The following PNPLA5 variants were observed in gnomAD, a reference collection of about 807,000 sequenced individuals.
PNPLA5 encodes patatin like domain 5, triacylglycerol lipase, also known as patatin-like phospholipase domain-containing protein 5.
PNPLA5 carries 44 observed loss-of-function variants against 49.1 expected under a neutral mutation model. The ratio of observed to expected loss-of-function variants is 0.90; its 90% CI spans 0.70 to 1.15. The LOEUF (loss-of-function observed/expected upper bound fraction) is 1.15. Among genes scored for constraint, PNPLA5 ranks in the 50% most tolerant of loss-of-function variants. The probability of loss-of-function intolerance (pLI) is 0.00; values close to 1 mark genes in which losing one functional copy is unlikely to be tolerated. For synonymous variants in PNPLA5, 243 were observed against 244.4 expected, an observed-to-expected ratio of 0.99 and a Z score of 0.06; for missense variants, 603 against 564.0, an observed-to-expected ratio of 1.07 and a Z score of -0.70.
rs139735555 is a variant in PNPLA5 at position 43,891,592 on chromosome 22, G to A, written c.193+96C>T. 1.1e-4 allele frequency: 151 copies of A among 1,408,200 alleles called. No individual in the cohort carries two copies. In the African/African-American group the frequency reaches 2.1e-3, roughly 20 times the overall value. 87.2% of individuals were successfully genotyped at this position (1,408,200 alleles called of 1,614,324 possible). On this transcript the variant is annotated intron_variant, in intron 1 of 8. Transcript: ENST00000216177. ...AATGAGGCTGTGCCGGGGGTAGAGG[G>A]CGCAGAGCACAGCGCCAGGCACCAG...
At chr22:43,885,002 C>G (rs62226143) in intron 6 of PNPLA5, among the ~76,000 whole-genome samples, 8 of 152,294 alleles carry the variant, frequency 5.3e-5, no homozygotes, top group African/African-American at 1.9e-4. Flanking sequence ...ATCCACCTGC[C>G]GAGTGTCCTA....
Position 43,884,198 on chromosome 22 carries a change from C to A in PNPLA5, c.1082+15G>T. 6.5e-7 allele frequency: 1 copy of A among 1,527,102 alleles called. No homozygotes were observed. The highest frequency in any genetic ancestry group is 1.3e-5 in the South Asian group (1 of 79,020). 94.6% of individuals were successfully genotyped at this position (1,527,102 alleles called of 1,614,324 possible). On this transcript the variant is annotated intron_variant, in intron 7 of 8. Coordinates refer to ENST00000216177, the MANE Select transcript of PNPLA5 (RefSeq NM_138814.4). Reference sequence around the variant, plus strand: ...ACAAGCCAGGCCCTTCCCAGGCCCCCTGGCCGAGCCTTACCTTCTGCTGCG... The same window carrying A: ...ACAAGCCAGGCCCTTCCCAGGCCCCATGGCCGAGCCTTACCTTCTGCTGCG...
chr22:43,889,713 C>A, intron 3 of PNPLA5, 86 bp downstream of exon 3: 3 of 1,529,944 alleles, frequency 2.0e-6, no homozygotes, highest in Non-Finnish European at 2.6e-6. Context: ...GCTCAAGGAG[C>A]GCTGGTTTCC....
chr22:43,884,411 C>A, intron 6 of PNPLA5, 66 bp from the exon 7 acceptor site: 2 of 1,466,406 alleles, frequency 1.4e-6, no homozygotes, highest in African/African-American at 1.4e-5. Context: ...CTGAGCCCCC[C>A]CATTTCACAC....
At chr22:43,886,154 C>T (rs906701750) in intron 6 of PNPLA5, 149 bp downstream of exon 6, 1 of 827,764 alleles carries the variant, frequency 1.2e-6, no homozygotes, top group South Asian at 2.4e-5. Context: ...TGTGAAAAGC[C>T]CATAGTACCA....
Position 43,886,467 on chromosome 22 carries a change from A to G in PNPLA5, c.785T>C (p.Leu262Pro). Residue 262 changes from leucine to proline, a missense_variant, in exon 6 of 9, where the codon CTA becomes CCA. Leu to Pro is a moderately conservative substitution (Grantham distance 98). Transcript: ENST00000216177. The part of the protein sequence containing the change: ...ERRGLTKEPV[L>P]WTLVSKEPPA... Reference sequence around the variant, plus strand: ...GGGTTCCTTAGACACCAGCGTCCATAGCACTGGTTCCTTGGTGAGTCCTGG... The same window carrying G: ...GGGTTCCTTAGACACCAGCGTCCATGGCACTGGTTCCTTGGTGAGTCCTGG... The G allele has an allele frequency of 1.2e-6, 2 of 1,613,666 alleles. No individual in the cohort carries two copies. Among genetic ancestry groups the G allele is most frequent in the South Asian group, 1.1e-5 (1 of 90,988 alleles).
In PNPLA5 at chr22:43,889,395, G is replaced by A. The variant is rs765540539; in HGVS notation, c.636C>T (p.Phe212=). 2.5e-6 allele frequency: 4 copies of A among 1,613,996 alleles called. No homozygotes were observed. Among genetic ancestry groups the A allele is most frequent in the Admixed American group, 1.7e-5 (1 of 60,002 alleles). ...PNLHELNVFN[F]SFQISTENFF... is the part of the protein sequence containing the mutation. The stretch of plus-strand genomic sequence containing the variant: ...AGTTCTCAGTGGAGATTTGGAAGCT[G>A]AAGTTGAAGACGTTCAGCTCATGCA... Residue 212 remains phenylalanine, a synonymous_variant, in exon 4 of 9, where the codon TTC becomes TTT. Coordinates refer to ENST00000216177, the MANE Select transcript of PNPLA5 (RefSeq NM_138814.4).
rs188609863 is a variant in PNPLA5, at chr22:43,889,219, T to A, written c.702+110A>T. 8 of 1,252,460 alleles carry A rather than the reference T, an allele frequency of 6.4e-6. No individual in the cohort carries two copies. The African/African-American group carries it at 1.2e-4, about 19-fold the overall frequency. 77.6% of individuals were successfully genotyped at this position (1,252,460 alleles called of 1,614,324 possible). A position where few individuals can be genotyped will look rare whatever the true frequency, so the allele number is the denominator to read the frequency against. On this transcript the variant is annotated intron_variant, in intron 4 of 8. Transcript: ENST00000216177. Reference sequence around the variant, plus strand: ...GCTGTGAGACTCGGGACATGTGTTGTAACTGCCTTCAGGCTCGGGGGGCAG... The same window carrying A: ...GCTGTGAGACTCGGGACATGTGTTGAAACTGCCTTCAGGCTCGGGGGGCAG...
intron 4 of PNPLA5, among the ~76,000 whole-genome samples, chr22:43,888,953 C>G (rs909900776): frequency 1.3e-5 from 2 of 152,196 alleles, no homozygotes; most frequent in South Asian, 4.1e-4. Flanking sequence ...TGACTTTGAA[C>G]AAGTTGCTTA....
chr22:43,889,429 G>T lies in PNPLA5; in HGVS notation c.602C>A (p.Ser201Tyr). ...GTVDICPQST[S>Y]PNLHELNVFN... ...GACGTTCAGCTCATGCAGGTTGGGG[G>T]AGGTGCTCTGGGGGCAGATGTCCAC... The change falls in exon 4 of 9, where the codon TCC becomes TAC. Residue 201 changes from serine to tyrosine, a missense_variant. Ser to Tyr is a moderately radical substitution (Grantham distance 144). Coordinates refer to ENST00000216177, the MANE Select transcript of PNPLA5 (RefSeq NM_138814.4). 4 of 1,614,156 alleles carry T rather than the reference G, an allele frequency of 2.5e-6. No individual in the cohort carries two copies. Among genetic ancestry groups the T allele is most frequent in the Non-Finnish European group, 3.4e-6 (4 of 1,180,020 alleles).
At chr22:43,881,195 C>G (rs944911695) in intron 8 of PNPLA5, among the ~76,000 whole-genome samples, 4 of 152,206 alleles carry the variant, frequency 2.6e-5, no homozygotes, top group African/African-American at 9.7e-5. Context: ...CACTGCAGGC[C>G]AGACCACACA....
intron 4 of PNPLA5, among the ~76,000 whole-genome samples, chr22:43,888,687 G>T (rs1037470682): frequency 3.9e-5 from 6 of 152,064 alleles, no homozygotes; most frequent in African/African-American, 1.4e-4. Context: ...TGCCAGCCTT[G>T]GCCTCCCAAA....
Position 43,886,373 on chromosome 22 carries a change from G to A in PNPLA5, c.879C>T (p.Asn293=), listed in dbSNP as rs2049664036. ...DQRWKGGLSL[N]WKVPHVQVKD... ...TGACTTGCACATGGGGCACTTTCCAGTTGAGAGACAGGCCCCCCTTCCAGC... is the reference window on the plus strand; with the variant it reads ...TGACTTGCACATGGGGCACTTTCCAATTGAGAGACAGGCCCCCCTTCCAGC... Residue 293 remains asparagine, a synonymous_variant, in exon 6 of 9, where the codon AAC becomes AAT. Transcript: ENST00000216177. 1 of 1,614,190 alleles carries A rather than the reference G, an allele frequency of 6.2e-7. No individual in the cohort carries two copies. Among genetic ancestry groups the A allele is most frequent in the Non-Finnish European group, 8.5e-7 (1 of 1,180,020 alleles).
chr22:43,880,738 A>G lies in PNPLA5; in HGVS notation c.*57T>C. The G allele has an allele frequency of 7.9e-7, 1 of 1,267,542 alleles. No individual in the cohort carries two copies. Among genetic ancestry groups the G allele is most frequent in the Non-Finnish European group, 1.0e-6 (1 of 999,498 alleles). 78.5% of individuals were successfully genotyped at this position (1,267,542 alleles called of 1,614,324 possible). A position where few individuals can be genotyped will look rare whatever the true frequency, so the allele number is the denominator to read the frequency against. On this transcript the variant is annotated 3_prime_UTR_variant, in exon 9 of 9. Transcript: ENST00000216177. ...GGGGCAGATGTGGGCACACAGGACA[A>G]AGGCCAGAGCAGGAATCAAGGGACA... is the stretch of plus-strand genomic sequence containing the variant.
chr22:43,881,568 C>T lies in PNPLA5; in HGVS notation c.1189G>A (p.Gly397Arg), dbSNP rs2049610747. Residue 397 changes from glycine to arginine, a missense_variant, in exon 8 of 9, where the codon GGG (glycine) becomes AGG (arginine). Physicochemically the swap from Gly to Arg is moderately radical, Grantham distance 125. Coordinates refer to ENST00000216177, the MANE Select transcript of PNPLA5 (RefSeq NM_138814.4). ...CTCTGCCCACCTCACCTGATGGGCC[C>T]AAGGAGCTGGGCCTTGGTCCTGGAG... Reference protein sequence around the residue: ...VFSRTKAQLLGPISPPATRVL... With the variant: ...VFSRTKAQLLRPISPPATRVL... 1.3e-6 allele frequency: 2 copies of T among 1,595,370 alleles called. No individual in the cohort carries two copies. Among genetic ancestry groups the T allele is most frequent in the South Asian group, 2.3e-5 (2 of 87,954 alleles).
Position 43,887,926 on chromosome 22 carries a change from T to A in PNPLA5, c.703-275A>T, listed in dbSNP as rs954586631. Among the ~76,000 whole-genome samples the A allele has an allele frequency of 2.0e-5, 3 of 152,188 alleles. No individual in the cohort carries two copies. In the East Asian group the frequency reaches 5.8e-4, roughly 29 times the overall value. On this transcript the variant is annotated intron_variant, in intron 4 of 8. Coordinates refer to ENST00000216177, the MANE Select transcript of PNPLA5 (RefSeq NM_138814.4). ...CCCCCTGAGACACCCTGGCTGCTCT[T>A]GCCCCAGCCCCTCCCCTCTCTTGCC...
intron 4 of PNPLA5, 25 bp from the exon 5 acceptor site, chr22:43,887,676 A>G (rs5764380): frequency 0.4 from 629,343 of 1,586,734 alleles, 134,550 homozygotes; most frequent in East Asian, 0.93. Context: ...GGCAAGGGTG[A>G]GATGGGCAAG....
At chr22:43,890,009 C>T in intron 2 of PNPLA5, 145 bp from the exon 3 acceptor site, 2 of 1,435,168 alleles carry the variant, frequency 1.4e-6, no homozygotes, top group South Asian at 1.5e-5. Flanking sequence ...GCATCACCTC[C>T]CAGCCAAGCT....
chr22:43,887,785 C>T, intron 4 of PNPLA5, 134 bp from the exon 5 acceptor site: 1 of 1,457,002 alleles, frequency 6.9e-7, no homozygotes, highest in Admixed American at 2.2e-5. Context: ...GACCATTCAA[C>T]AGGGCTCAGG....
Sources: allele counts gnomAD v4.1 joint callset (sites outside exome capture counted in the v4.1 genomes callset), GRCh38; gene constraint gnomAD v4.1.1; transcripts MANE v1.5; gene names NCBI Gene and HGNC (gene_info 2026-07-23, HGNC 2026-07-21).